Variants in MCTP2 observed in about 807,000 individuals in gnomAD.
MCTP2 encodes the protein multiple C2 and transmembrane domain-containing protein 2.
MCTP2 carries 132 observed loss-of-function variants against 111.6 expected under a neutral mutation model. The ratio of observed to expected loss-of-function variants is 1.18; its 90% confidence interval spans 1.03 to 1.37. The LOEUF (loss-of-function observed/expected upper bound fraction) is 1.37. Among genes scored for constraint, MCTP2 ranks in the 40% most tolerant of loss-of-function variants. The pLI, the probability that MCTP2 is intolerant of heterozygous loss-of-function variation, is 0.00. For synonymous variants in MCTP2, 395 were observed against 387.7 expected, an observed-to-expected ratio of 1.02 and a Z score of -0.22; for missense variants, 1,183 against 1,067.9, an observed-to-expected ratio of 1.11 and a Z score of -1.50.
At chr15:94,236,223 C>T (rs2070531365) in intron 1 of MCTP2, among the ~76,000 whole-genome samples, 1 of 151,884 alleles carries the variant, frequency 6.6e-6, no homozygotes, top group Admixed American at 6.6e-5. Context: ...AGAGGCCAAG[C>T]ACCTCCCCAG....
In MCTP2 at chr15:94,474,892, C is replaced by T. The variant is rs192840608; in HGVS notation, c.2471-1804C>T. Among the ~76,000 whole-genome samples, 60 of 151,252 alleles carry T rather than the reference C, an allele frequency of 4.0e-4. 1 individual carries two copies. The East Asian group carries it at 0.011, about 28-fold the overall frequency. ...TTTTCAAACATAGATAGTCTCAGTG[C>T]ATTGTGGAATACTTTTGCCCTCATT... On this transcript the variant is annotated intron_variant, in intron 21 of 22. Transcript: ENST00000357742.
At chr15:94,404,629 G>C (rs1319302116) in intron 17 of MCTP2, among the ~76,000 whole-genome samples, 3 of 151,648 alleles carry the variant, frequency 2.0e-5, no homozygotes, top group Admixed American at 2.0e-4. Context: ...TCTTCTTTTG[G>C]TAAGATTATG....
chr15:94,339,391 G>T lies in MCTP2; in HGVS notation c.739G>T (p.Val247Leu). 2 of 1,611,544 alleles carry T rather than the reference G, an allele frequency of 1.2e-6. No homozygotes were observed. The highest frequency in any genetic ancestry group is 2.2e-5 in the East Asian group (1 of 44,850). ...GAACCCAGTATGGGATGAGATAGTT[G>T]TATTGCCAATCCAAAGCCTTGATCA... ...NLNPVWDEIV[V>L]LPIQSLDQKL... Residue 247 changes from valine (V) to leucine (L), a missense_variant, in exon 5 of 23, where the codon GTA becomes TTA. Physicochemically the swap from Val to Leu is conservative, Grantham distance 32. Transcript: ENST00000357742.
rs1200616819 is a variant in MCTP2 at position 94,278,024 on chromosome 15, C to CA, written c.-65-20170dup. 3 of 151,748 alleles carry CA rather than the reference C, an allele frequency of 2.0e-5. 1 individual carries two copies. Among genetic ancestry groups the CA allele is most frequent in the Admixed American group, 1.3e-4 (2 of 15,244 alleles). 9.4% of individuals were successfully genotyped at this position (151,748 alleles called of 1,614,324 possible). On this transcript the variant is annotated intron_variant, in intron 1 of 22. Transcript: ENST00000357742. ...AAACTGCTCTAAACATAGTTCATTACAAAAAAAGATATAAAAAGTATATTC... is the reference window on the plus strand; with the variant it reads ...AAACTGCTCTAAACATAGTTCATTACAAAAAAAAGATATAAAAAGTATATTC...
chr15:94,342,810 A>AT (rs534796320), intron 7 of MCTP2: 6 of 150,872 alleles, frequency 4.0e-5, no homozygotes, highest in Non-Finnish European at 8.9e-5. Flanking sequence ...CCATATCCAT[A>AT]TTTATTCAAG....
At chr15:94,349,329 G>A (rs1334850775) in intron 8 of MCTP2, among the ~76,000 whole-genome samples, 2 of 152,244 alleles carry the variant, frequency 1.3e-5, no homozygotes, top group African/African-American at 4.8e-5. Flanking sequence ...TCTCCTCTCA[G>A]TGATGTTTGA....
chr15:94,320,461 T>C (rs1194126813), intron 4 of MCTP2, among the ~76,000 whole-genome samples: 2 of 152,188 alleles, frequency 1.3e-5, no homozygotes, highest in African/African-American at 4.8e-5. Context: ...AATCTTTGTA[T>C]GCCCTCCTGT....
intron 2 of MCTP2, among the ~76,000 whole-genome samples, chr15:94,299,045 T>C (rs1446451317): frequency 6.6e-4 from 73 of 110,944 alleles, no homozygotes; most frequent in African/African-American, 2.4e-3. Flanking sequence ...CCCTCCCCCT[T>C]CCCCTTCCCC....
chr15:94,402,504 C>T (rs2081648659), intron 17 of MCTP2: 3 of 1,551,716 alleles, frequency 1.9e-6, no homozygotes, highest in Non-Finnish European at 2.6e-6. Flanking sequence ...AGAGGAACCA[C>T]CCCTGTCTAT....
intron 21 of MCTP2, among the ~76,000 whole-genome samples, chr15:94,471,201 T>C (rs1447278549): frequency 6.6e-6 from 1 of 152,188 alleles, no homozygotes; most frequent in Admixed American, 6.5e-5. Context: ...GAGAAGCAGT[T>C]AGCCGTTCTC....
At chr15:94,384,907 C>T (rs2080367896) in intron 13 of MCTP2, among the ~76,000 whole-genome samples, 1 of 152,170 alleles carries the variant, frequency 6.6e-6, no homozygotes, top group South Asian at 2.1e-4. Flanking sequence ...CTCCATTTTT[C>T]ATTGTCCCTG....
At chr15:94,432,148 G>C (rs1181082008) in intron 17 of MCTP2, among the ~76,000 whole-genome samples, 1 of 152,124 alleles carries the variant, frequency 6.6e-6, no homozygotes, top group Non-Finnish European at 1.5e-5. Context: ...TCTTGTTTCA[G>C]TTTTAACCCA....
chr15:94,364,052 T>TA (rs1413367979), intron 10 of MCTP2, among the ~76,000 whole-genome samples: 2 of 111,036 alleles, frequency 1.8e-5, no homozygotes, highest in African/African-American at 3.7e-5. Context: ...TGTCGTGAGT[T>TA]AAAAAAATTT....
At chr15:94,300,006 G>T (rs1272532299) in intron 2 of MCTP2, among the ~76,000 whole-genome samples, 1 of 152,044 alleles carries the variant, frequency 6.6e-6, no homozygotes, top group Non-Finnish European at 1.5e-5. Flanking sequence ...TGAAATACAT[G>T]TTTCTTTTAA....
In MCTP2 at chr15:94,251,592, C is replaced by T. The variant is rs140781161; in HGVS notation, c.-66+19928C>T. On this transcript the variant is annotated intron_variant, in intron 1 of 22. Transcript: ENST00000357742. ...CAGGCTGGTGTCGAACTCCCGACGTCGGGTGATCCACCTGCCTCGGCCTCC... is the reference window on the plus strand; with the variant it reads ...CAGGCTGGTGTCGAACTCCCGACGTTGGGTGATCCACCTGCCTCGGCCTCC... Among the ~76,000 whole-genome samples, 403 of 152,292 alleles carry T rather than the reference C, an allele frequency of 2.6e-3. 1 individual carries two copies. Among genetic ancestry groups the T allele is most frequent in the African/African-American group, 8.7e-3 (363 of 41,540 alleles).
intron 1 of MCTP2, among the ~76,000 whole-genome samples, chr15:94,266,764 CCCGTCT>C (rs2073560081): frequency 6.6e-6 from 1 of 152,158 alleles, no homozygotes; most frequent in Non-Finnish European, 1.5e-5. Context: ...ACCCACCTTA[CCCGTCT>C]TGCCATATAA....
At chr15:94,298,135 C>A in intron 1 of MCTP2, 66 bp from the exon 2 acceptor site, 1 of 662,888 alleles carries the variant, frequency 1.5e-6, no homozygotes, top group Non-Finnish European at 2.4e-6. Flanking sequence ...GCCTTACTGC[C>A]ACCAAGAAGG....
intron 17 of MCTP2, among the ~76,000 whole-genome samples, chr15:94,417,308 T>TA (rs2152490810): frequency 6.6e-6 from 1 of 152,286 alleles, no homozygotes; most frequent in Non-Finnish European, 1.5e-5. Context: ...TTTTTATTTT[T>TA]ATCTGATGTT....
In MCTP2 at chr15:94,321,350, CAATT is replaced by C. The variant is rs550915980; in HGVS notation, c.637+5715_637+5718del. Among the ~76,000 whole-genome samples the C allele has an allele frequency of 2.0e-4, 31 of 152,224 alleles. No homozygotes were observed. The South Asian group carries it at 6.0e-3, about 30-fold the overall frequency. The stretch of plus-strand genomic sequence containing the variant: ...GATGTGTTTGAGGTGATGCATATTT[CAATT>C]AGGCTGATTTGATCATTACACATTG... On this transcript the variant is annotated intron_variant, in intron 4 of 22. Coordinates refer to ENST00000357742, the MANE Select transcript of MCTP2 (RefSeq NM_001385001.1).
Sources: allele counts gnomAD v4.1 joint callset (sites outside exome capture counted in the v4.1 genomes callset), GRCh38; gene constraint gnomAD v4.1.1; transcripts MANE v1.5; gene names NCBI Gene and HGNC (gene_info 2026-07-23, HGNC 2026-07-21).